Variants in MAP3K5 observed in about 807,000 individuals in gnomAD.
MAP3K5 encodes the protein mitogen-activated protein kinase kinase kinase 5.
Under a neutral mutation model 158.7 loss-of-function variants are expected in MAP3K5, and 56 were observed. That is an observed-to-expected ratio of 0.35 (90% confidence interval 0.28 to 0.44). MAP3K5 has a LOEUF of 0.44. Ranked by LOEUF, MAP3K5 falls within the 20% of genes least tolerant of loss-of-function variation. MAP3K5 has a pLI of 1.00. For missense variants in MAP3K5, 1,294 were observed against 1,674.8 expected, an observed-to-expected ratio of 0.77 and a Z score of 3.97; for synonymous variants, 579 against 601.7, an observed-to-expected ratio of 0.96 and a Z score of 0.55.
Position 136,792,082 on chromosome 6 carries a change from CG to C in MAP3K5, c.75del (p.Glu26ArgfsTer71). 1 of 1,576,802 alleles carries C rather than the reference CG, an allele frequency of 6.3e-7. No homozygotes were observed. ...PFAPSGFCTI[P>X]EGGICRRGGA... ...CCTCCCCTCCTGCAGATGCCGCCCT[CG>C]GGGATGGTGCAGAAGCCCGAGGGGG... On this transcript the variant is annotated frameshift_variant, in exon 1 of 30. Transcript: ENST00000359015. LOFTEE classifies it high-confidence loss of function. The surrounding 1 kb of genome is among the most constrained non-coding windows in gnomAD (Gnocchi z 5.7).
At chr6:136,740,334 T>C (rs747358901) in intron 1 of MAP3K5, among the ~76,000 whole-genome samples, 120 of 152,340 alleles carry the variant, frequency 7.9e-4, no homozygotes, top group Middle Eastern at 6.8e-3. Flanking sequence ...TTTCCTTTTT[T>C]GGAATCTACA....
intron 7 of MAP3K5, among the ~76,000 whole-genome samples, chr6:136,676,280 C>T (rs186032496): frequency 3.3e-4 from 50 of 152,284 alleles, no homozygotes; most frequent in Admixed American, 1.0e-3. Context: ...CCACTTCCTA[C>T]CAAGAACCAG....
chr6:136,699,357 C>T (rs939916903), intron 3 of MAP3K5, among the ~76,000 whole-genome samples: 1 of 152,222 alleles, frequency 6.6e-6, no homozygotes. Flanking sequence ...TAACTGGTCC[C>T]CCTGCTTCCA....
intron 1 of MAP3K5, among the ~76,000 whole-genome samples, chr6:136,780,078 A>G (rs1784556538): frequency 6.6e-6 from 1 of 152,156 alleles, no homozygotes; most frequent in Non-Finnish European, 1.5e-5. Context: ...GTCAAAAGGT[A>G]CTGAGTATCC....
intron 1 of MAP3K5, among the ~76,000 whole-genome samples, chr6:136,754,108 A>G (rs767842724): frequency 6.6e-6 from 1 of 151,750 alleles, no homozygotes; most frequent in Non-Finnish European, 1.5e-5. Context: ...CCCCATCTCT[A>G]CTAAAAATAC....
intron 28 of MAP3K5, among the ~76,000 whole-genome samples, chr6:136,560,316 C>A (rs1830450540): frequency 6.6e-6 from 1 of 152,006 alleles, no homozygotes; most frequent in Non-Finnish European, 1.5e-5. Flanking sequence ...CCTGTTTCTA[C>A]TAAAAGTACA....
In MAP3K5 at chr6:136,653,706, T is replaced by C. The variant is rs148141981; in HGVS notation, c.1680+2601A>G. Among the ~76,000 whole-genome samples, 102 of 152,342 alleles carry C rather than the reference T, an allele frequency of 6.7e-4. 2 individuals carry two copies. In the East Asian group the frequency reaches 0.016, roughly 24 times the overall value. Reference sequence around the variant, plus strand: ...TTTTTTAAAGCAGTATCTTTACAGTTTCTGCAACGCTTTATCATACATGTA... The same window carrying C: ...TTTTTTAAAGCAGTATCTTTACAGTCTCTGCAACGCTTTATCATACATGTA... On this transcript the variant is annotated intron_variant, in intron 10 of 29. Coordinates refer to ENST00000359015, the MANE Select transcript of MAP3K5 (RefSeq NM_005923.4).
At chr6:136,590,809 G>C (rs1775351584) in intron 23 of MAP3K5, among the ~76,000 whole-genome samples, 1 of 152,090 alleles carries the variant, frequency 6.6e-6, no homozygotes, top group South Asian at 2.1e-4. Context: ...CAAAGTGCTG[G>C]GATTACAGGC....
chr6:136,709,188 G>A (rs1781204688), intron 2 of MAP3K5, among the ~76,000 whole-genome samples: 1 of 151,994 alleles, frequency 6.6e-6, no homozygotes, highest in Admixed American at 6.5e-5. Flanking sequence ...ATTCATATTT[G>A]TATCCTGACT....
chr6:136,709,683 T>G (rs961727027), intron 2 of MAP3K5, among the ~76,000 whole-genome samples: 1 of 152,212 alleles, frequency 6.6e-6, no homozygotes, highest in African/African-American at 2.4e-5. Context: ...ATAACCCTCT[T>G]ACATGTCTCC....
chr6:136,687,469 C>T (rs1467580413), intron 7 of MAP3K5, among the ~76,000 whole-genome samples: 1 of 152,052 alleles, frequency 6.6e-6, no homozygotes, highest in Non-Finnish European at 1.5e-5. Context: ...AAAGAAACTA[C>T]CATCAGAATG....
intron 18 of MAP3K5, among the ~76,000 whole-genome samples, chr6:136,610,618 C>A (rs1179022863): frequency 2.2e-4 from 31 of 140,910 alleles, no homozygotes; most frequent in Non-Finnish European, 3.2e-4. Context: ...AAAAAAAAAT[C>A]TTGCTAGAGT....
intron 10 of MAP3K5, 31 bp from the exon 11 acceptor site, chr6:136,651,122 C>T (rs1264633194): frequency 6.5e-6 from 8 of 1,239,348 alleles, no homozygotes; most frequent in Middle Eastern, 2.1e-4. Context: ...AAACTAATAT[C>T]AGTGACTTAA....
chr6:136,615,393 A>C lies in MAP3K5; in HGVS notation c.2151-1107T>G, dbSNP rs1441399310. On this transcript the variant is annotated intron_variant, in intron 15 of 29. Coordinates refer to ENST00000359015, the MANE Select transcript of MAP3K5 (RefSeq NM_005923.4). The stretch of plus-strand genomic sequence containing the variant: ...GTTAAAGCAGAGGGGACTTCTTTTC[A>C]TGCCAGCTCAGGTTGGCTGGGTGCC... Among the ~76,000 whole-genome samples, 6 of 152,324 alleles carry C rather than the reference A, an allele frequency of 3.9e-5. No homozygotes were observed. The East Asian group carries it at 1.2e-3, about 29-fold the overall frequency.
chr6:136,615,140 T>A (rs1429350546), intron 15 of MAP3K5, among the ~76,000 whole-genome samples: 4 of 152,240 alleles, frequency 2.6e-5, no homozygotes, highest in Non-Finnish European at 5.9e-5. Flanking sequence ...GTAATTATTG[T>A]ACAGCTTGCC....
At chr6:136,619,512 C>T (rs1275975236) in intron 15 of MAP3K5, among the ~76,000 whole-genome samples, 1 of 152,196 alleles carries the variant, frequency 6.6e-6, no homozygotes, top group Non-Finnish European at 1.5e-5. Context: ...CTGGTTCCCA[C>T]ACATGCACAA....
chr6:136,627,091 A>T (rs1158373232), intron 14 of MAP3K5, among the ~76,000 whole-genome samples: 1 of 152,160 alleles, frequency 6.6e-6, no homozygotes, highest in Admixed American at 6.5e-5. Flanking sequence ...TTTTTTTAGC[A>T]GACATCTGGT....
chr6:136,608,893 GCACCTGGGACTAACC>G (rs1217929288), intron 18 of MAP3K5, among the ~76,000 whole-genome samples: 1 of 152,216 alleles, frequency 6.6e-6, no homozygotes, highest in African/African-American at 2.4e-5. Flanking sequence ...TATTGACTGA[GCACCTGGGACTAACC>G]CACCTGGGAC....
chr6:136,770,109 G>A (rs1010792127), intron 1 of MAP3K5, among the ~76,000 whole-genome samples: 62 of 152,142 alleles, frequency 4.1e-4, no homozygotes, highest in Non-Finnish European at 5.1e-4. Context: ...GCTTTATAAT[G>A]GCCTCCCTTT....
Sources: gnomAD v4.1 joint callset for allele counts (sites outside exome capture counted in the v4.1 genomes callset) on GRCh38, gnomAD v4.1.1 for gene constraint, Gnocchi (gnomAD v3.1) non-coding constraint, MANE v1.5 for transcripts, NCBI Gene and HGNC (gene_info 2026-07-23, HGNC 2026-07-21) for gene names.